PPP2R2C: variants seen among roughly 807,000 people sequenced by gnomAD.
PPP2R2C encodes protein phosphatase 2, regulatory subunit B, gamma.
A neutral mutation model predicts 45.3 loss-of-function variants in PPP2R2C; 10 were observed. The observed-to-expected ratio is 0.22, with a 90% CI of 0.14 to 0.37. The LOEUF is 0.37. Among genes scored for constraint, PPP2R2C ranks in the 10% least tolerant of loss-of-function variants. The pLI is 1.00. For synonymous variants in PPP2R2C, 257 were observed against 245.4 expected, an observed-to-expected ratio of 1.05 and a Z score of -0.44; for missense variants, 308 against 619.7, an observed-to-expected ratio of 0.50 and a Z score of 5.34.
intron 1 of PPP2R2C, chr4:6,383,366 C>G (rs201900631): frequency 1.6e-6 from 2 of 1,289,716 alleles, no homozygotes; most frequent in South Asian, 1.2e-5. Flanking sequence ...GTTGTATGCA[C>G]GGGGTCTCGT....
At chr4:6,537,551 GTT>G (rs66460332) in intron 1 of PPP2R2C, among the ~76,000 whole-genome samples, 42 of 127,596 alleles carry the variant, frequency 3.3e-4, no homozygotes, top group Admixed American at 3.9e-4. Context: ...AAGATTTTTT[GTT>G]TTTTTTTTTT....
At chr4:6,560,885 G>A (rs146511576) in intron 1 of PPP2R2C, among the ~76,000 whole-genome samples, 1 of 152,342 alleles carries the variant, frequency 6.6e-6, no homozygotes, top group Non-Finnish European at 1.5e-5. Flanking sequence ...CCCCAACCTG[G>A]GTTCTCAGCT....
At chr4:6,468,578 G>A (rs922016305) in intron 1 of PPP2R2C, among the ~76,000 whole-genome samples, 6 of 152,262 alleles carry the variant, frequency 3.9e-5, no homozygotes, top group African/African-American at 1.4e-4. Context: ...GCACATGAGA[G>A]TGACTGTTGC....
At chr4:6,406,154 C>T (rs1280451442) in intron 1 of PPP2R2C, among the ~76,000 whole-genome samples, 2 of 152,168 alleles carry the variant, frequency 1.3e-5, no homozygotes, top group Non-Finnish European at 2.9e-5. Context: ...ACATTCTTGC[C>T]TTTCTGCTGT....
chr4:6,478,153 C>T (rs566196619), intron 2 of PPP2R2C, among the ~76,000 whole-genome samples: 10 of 152,222 alleles, frequency 6.6e-5, no homozygotes, highest in South Asian at 6.2e-4. Context: ...GCCATCCCTA[C>T]GTCTCACCTT....
chr4:6,396,231 G>T (rs1033726524), intron 1 of PPP2R2C, among the ~76,000 whole-genome samples: 19 of 152,178 alleles, frequency 1.2e-4, no homozygotes, highest in African/African-American at 4.6e-4. Flanking sequence ...GCCATGAAGT[G>T]CAGATCAGGC....
intron 2 of PPP2R2C, among the ~76,000 whole-genome samples, chr4:6,527,729 G>A (rs993940498): frequency 6.6e-6 from 1 of 152,140 alleles, no homozygotes; most frequent in African/African-American, 2.4e-5. Flanking sequence ...CCAAAATATG[G>A]GGCCCCAGCC....
chr4:6,452,032 C>T (rs944905914), intron 1 of PPP2R2C, among the ~76,000 whole-genome samples: 1 of 152,120 alleles, frequency 6.6e-6, no homozygotes, highest in African/African-American at 2.4e-5. Context: ...TCCAACTTCT[C>T]CCAAACCCAC....
At chr4:6,366,708 G>A (rs1714339121) in intron 5 of PPP2R2C, among the ~76,000 whole-genome samples, 2 of 152,208 alleles carry the variant, frequency 1.3e-5, no homozygotes, top group South Asian at 4.1e-4. Flanking sequence ...AGGCCAAAGA[G>A]GCAGATGGCA....
At position 6,381,047 on chromosome 4, in the gene PPP2R2C, C is replaced by A; in HGVS notation, c.118G>T (p.Ala40Ser). 6.3e-7 allele frequency: 1 copy of A among 1,582,026 alleles called. No individual in the cohort carries two copies. The change falls in exon 2 of 9, where the codon GCC (alanine) becomes TCC (serine). Residue 40 changes from alanine (A) to serine (S), a missense_variant. Coordinates refer to ENST00000382599, the MANE Select transcript of PPP2R2C (RefSeq NM_020416.4). The part of the protein sequence containing the change: ...VEFNHTGELL[A>S]TGDKGGRVVI... ...ACCCGGCCGCCCTTGTCACCTGTGGCCAGCAGCTCTCCCGTGTGGTTGAAC... is the reference window on the plus strand; with the variant it reads ...ACCCGGCCGCCCTTGTCACCTGTGGACAGCAGCTCTCCCGTGTGGTTGAAC...
intron 1 of PPP2R2C, among the ~76,000 whole-genome samples, chr4:6,397,849 C>A (rs999226054): frequency 1.1e-4 from 16 of 152,120 alleles, no homozygotes; most frequent in African/African-American, 3.1e-4. Context: ...AATGACTTTG[C>A]AATAAATAAA....
At chr4:6,543,629 T>G (rs1453147362) in intron 1 of PPP2R2C, among the ~76,000 whole-genome samples, 2 of 152,114 alleles carry the variant, frequency 1.3e-5, no homozygotes, top group Non-Finnish European at 2.9e-5. Flanking sequence ...AAGGGACCCC[T>G]GAGAACCATG....
At chr4:6,425,223 C>T (rs924351046) in intron 1 of PPP2R2C, among the ~76,000 whole-genome samples, 9 of 152,196 alleles carry the variant, frequency 5.9e-5, no homozygotes, top group Non-Finnish European at 1.0e-4. Context: ...ATTCCCTATC[C>T]ACCTGTCGGC....
Position 6,380,904 on chromosome 4 carries a change from C to G in PPP2R2C, c.168+93G>C, listed in dbSNP as rs1057064279. 6 of 1,432,104 alleles carry G rather than the reference C, an allele frequency of 4.2e-6. No homozygotes were observed. The African/African-American group carries it at 7.2e-5, about 17-fold the overall frequency. The allele number at this position is 1,432,104 out of a possible 1,614,324, so 88.7% of individuals were successfully genotyped here. A position where few individuals can be genotyped will look rare whatever the true frequency, so the allele number is the denominator to read the frequency against. On this transcript the variant is annotated intron_variant, in intron 2 of 8. Coordinates refer to ENST00000382599, the MANE Select transcript of PPP2R2C (RefSeq NM_020416.4). Reference sequence around the variant, plus strand: ...CACCTCTCACCGCATCACCCCTTATCCCCCTTATCCTTATCCCCTCCCACC... The same window carrying G: ...CACCTCTCACCGCATCACCCCTTATGCCCCTTATCCTTATCCCCTCCCACC...
chr4:6,450,621 C>A (rs1720688859), intron 1 of PPP2R2C, among the ~76,000 whole-genome samples: 1 of 152,170 alleles, frequency 6.6e-6, no homozygotes, highest in Non-Finnish European at 1.5e-5. Flanking sequence ...AGCACCCACC[C>A]AGGCAGCTGC....
intron 2 of PPP2R2C, among the ~76,000 whole-genome samples, chr4:6,521,710 G>T (rs975521827): frequency 2.6e-5 from 4 of 152,146 alleles, no homozygotes; most frequent in African/African-American, 9.7e-5. Context: ...ACTGGCCACC[G>T]GTCCCCTTTC....
intron 1 of PPP2R2C, among the ~76,000 whole-genome samples, chr4:6,402,191 G>T (rs778153291): frequency 6.6e-6 from 1 of 152,208 alleles, no homozygotes; most frequent in Admixed American, 6.5e-5. Flanking sequence ...AAGGTGCCCT[G>T]CTCAGGGTCA....
At chr4:6,430,945 A>G (rs1184550532) in intron 1 of PPP2R2C, among the ~76,000 whole-genome samples, 4 of 370 alleles carry the variant, frequency 0.011, no homozygotes, top group Admixed American at 0.038. Flanking sequence ...CAACAACAAC[A>G]AAAAAAAAAC....
At chr4:6,483,148 TTGATTG>T (rs994457947) in intron 2 of PPP2R2C, among the ~76,000 whole-genome samples, 1 of 116,288 alleles carries the variant, frequency 8.6e-6, no homozygotes, top group African/African-American at 3.4e-5. Flanking sequence ...GATAGATTGA[TTGATTG>T]ATAGATAGAC....
Sources: allele counts gnomAD v4.1 joint callset (sites outside exome capture counted in the v4.1 genomes callset), GRCh38; gene constraint gnomAD v4.1.1; transcripts MANE v1.5; gene names NCBI Gene and HGNC (gene_info 2026-07-23, HGNC 2026-07-21).